Variants in SHANK2 observed in about 807,000 individuals in gnomAD.
SHANK2 encodes the protein SH3 and multiple ankyrin repeat domains protein 2.
A neutral mutation model predicts 133.7 loss-of-function variants in SHANK2; 43 were observed. That is an observed-to-expected ratio of 0.32 (90% CI 0.25 to 0.41). The LOEUF is 0.41. Among genes scored for constraint, SHANK2 ranks in the 10% least tolerant of loss-of-function variants. The pLI is 1.00. For synonymous variants in SHANK2, 1,017 were observed against 952.8 expected (o/e 1.07, Z -1.24); for missense variants, 1,994 against 2,235.8 (o/e 0.89, Z 2.18).
chr11:70,843,017 C>T lies in SHANK2; in HGVS notation c.1175-22335G>A, dbSNP rs547551786. Among the ~76,000 whole-genome samples the T allele has an allele frequency of 3.5e-3, 536 of 152,272 alleles. 1 individual carries two copies. The highest frequency in any genetic ancestry group is 3.6e-3 in the Non-Finnish European group (244 of 68,024). The stretch of plus-strand genomic sequence containing the variant: ...TGGCTCGCATCTGCACAGAGCTGCC[C>T]ACACCACACCCTGGGCCTCAGACTC... On this transcript the variant is annotated intron_variant, in intron 11 of 25. Transcript: ENST00000601538.
rs985762097 is a variant in SHANK2, at chr11:70,804,352, G to A, written c.1663+2650C>T. Among the ~76,000 whole-genome samples the A allele has an allele frequency of 1.3e-5, 2 of 152,228 alleles. No homozygotes were observed. Among genetic ancestry groups the A allele is most frequent in the African/African-American group, 2.4e-5 (1 of 41,468 alleles). On this transcript the variant is annotated intron_variant, in intron 13 of 25. Transcript: ENST00000601538. This position sits in a 1 kb window ranked among gnomAD's most constrained non-coding sequence, Gnocchi z 4.1. Reference sequence around the variant, plus strand: ...CGACAGCTCGGCAGGAAGGAAGAGCGGTGCCACTGGCAGCAGGAAGGGGCT... The same window carrying A: ...CGACAGCTCGGCAGGAAGGAAGAGCAGTGCCACTGGCAGCAGGAAGGGGCT...
At chr11:70,897,638 C>G (rs935829920) in intron 10 of SHANK2, among the ~76,000 whole-genome samples, 1 of 152,192 alleles carries the variant, frequency 6.6e-6, no homozygotes, top group African/African-American at 2.4e-5. Context: ...ATCTTCCCAA[C>G]ATGGGCTTAC....
At chr11:70,792,364 TAACC>T (rs1262625901) in intron 14 of SHANK2, among the ~76,000 whole-genome samples, 174 of 99,106 alleles carry the variant, frequency 1.8e-3, no homozygotes, top group African/African-American at 4.6e-3. Context: ...GCTAGCTAAT[TAACC>T]AACCAACCAA....
At chr11:71,224,503 G>T (rs1222151051) in intron 2 of SHANK2, among the ~76,000 whole-genome samples, 194 bp downstream of exon 2, 1 of 152,192 alleles carries the variant, frequency 6.6e-6, no homozygotes, top group East Asian at 1.9e-4. Flanking sequence ...ATCTCGCAAG[G>T]TCACACAAGC....
chr11:70,602,733 A>G (rs1220223255), intron 17 of SHANK2, among the ~76,000 whole-genome samples: 1 of 152,270 alleles, frequency 6.6e-6, no homozygotes, highest in Non-Finnish European at 1.5e-5. Context: ...GACTGGAATT[A>G]TATATAAAAT....
intron 4 of SHANK2, among the ~76,000 whole-genome samples, chr11:71,118,123 G>A (rs751103162): frequency 7.2e-5 from 11 of 152,056 alleles, no homozygotes; most frequent in Admixed American, 4.6e-4. Context: ...GGGGAGCCCC[G>A]TTCTCCATGC....
intron 8 of SHANK2, among the ~76,000 whole-genome samples, chr11:71,079,894 A>AGGAAGGGGAGGGGAGGGGAC: frequency 6.0e-5 from 1 of 16,586 alleles, no homozygotes; most frequent in African/African-American, 2.7e-4. Flanking sequence ...GGGGAGGGGA[A>AGGAAGGGGAGGGGAGGGGAC]GGAAGGGGAG....
In SHANK2 at chr11:70,489,935, C is replaced by T. The variant is rs1169840821; in HGVS notation, c.2551+341G>A. The T allele has an allele frequency of 1.1e-5, 4 of 361,770 alleles. No individual in the cohort carries two copies. The East Asian group carries it at 1.9e-4, about 17-fold the overall frequency. 22.4% of individuals were successfully genotyped at this position (361,770 alleles called of 1,614,324 possible). On this transcript the variant is annotated intron_variant, in intron 23 of 25. Coordinates refer to ENST00000601538, the MANE Select transcript of SHANK2 (RefSeq NM_012309.5). Reference sequence around the variant, plus strand: ...ACCCACTTACCCTTCCCACCCTGAGCAGGGCAGGGTGGGGGAGGGGGGTTG... The same window carrying T: ...ACCCACTTACCCTTCCCACCCTGAGTAGGGCAGGGTGGGGGAGGGGGGTTG...
At position 71,057,664 on chromosome 11, in the gene SHANK2, C is replaced by T. The variant is rs1019765096; in HGVS notation, c.1030-1106G>A. On this transcript the variant is annotated intron_variant, in intron 9 of 25. Transcript: ENST00000601538. ...TCTTGGGCTCAGGCAATTCTCCCCA[C>T]CTCAGCCTCCTGAGTAGCTGGGACA... Among the ~76,000 whole-genome samples, 126 of 152,156 alleles carry T rather than the reference C, an allele frequency of 8.3e-4. 1 individual carries two copies. Among genetic ancestry groups the T allele is most frequent in the African/African-American group, 2.8e-3 (118 of 41,498 alleles).
intron 14 of SHANK2, among the ~76,000 whole-genome samples, chr11:70,784,838 G>A (rs780941953): frequency 1.3e-5 from 2 of 152,138 alleles, no homozygotes; most frequent in Non-Finnish European, 2.9e-5. Flanking sequence ...CAGGGCCCAC[G>A]CTCCAACCGC....
chr11:70,702,320 C>CATCACA (rs797042198), intron 14 of SHANK2, among the ~76,000 whole-genome samples: 18 of 151,520 alleles, frequency 1.2e-4, no homozygotes, highest in African/African-American at 1.7e-4. Flanking sequence ...CAATCACCAT[C>CATCACA]ATCACCATCA....
At chr11:71,061,971 C>CTTTTTTTTTTTT (rs1216736346) in intron 9 of SHANK2, among the ~76,000 whole-genome samples, 5 of 109,572 alleles carry the variant, frequency 4.6e-5, no homozygotes, top group Non-Finnish European at 7.1e-5. Flanking sequence ...GTCTTTCTTT[C>CTTTTTTTTTTTT]TTTTTTTTTT....
At chr11:70,622,471 T>G (rs1307175054) in intron 17 of SHANK2, among the ~76,000 whole-genome samples, 1 of 152,132 alleles carries the variant, frequency 6.6e-6, no homozygotes, top group African/African-American at 2.4e-5. Context: ...CTGGGGGGCT[T>G]AAAACAACAG....
At chr11:70,531,499 G>A (rs1243848552) in intron 17 of SHANK2, among the ~76,000 whole-genome samples, 1 of 152,234 alleles carries the variant, frequency 6.6e-6, no homozygotes, top group Admixed American at 6.5e-5. Flanking sequence ...CCCAGGTCAC[G>A]GTTGAGGGTG....
At chr11:71,217,991 C>G (rs1199014753) in intron 2 of SHANK2, among the ~76,000 whole-genome samples, 1 of 152,004 alleles carries the variant, frequency 6.6e-6, no homozygotes. Flanking sequence ...GCTGGGACTA[C>G]AGGCACCCGC....
At chr11:70,877,473 C>T (rs1555071585) in intron 11 of SHANK2, among the ~76,000 whole-genome samples, 1 of 152,208 alleles carries the variant, frequency 6.6e-6, no homozygotes, top group African/African-American at 2.4e-5. Context: ...AATGAAGCCA[C>T]CGTGATTTCA....
intron 10 of SHANK2, among the ~76,000 whole-genome samples, chr11:70,905,968 T>C (rs1238717782): frequency 1.3e-5 from 2 of 152,062 alleles, no homozygotes; most frequent in African/African-American, 4.8e-5. Flanking sequence ...CATGCCACCA[T>C]GCCCGGCTAA....
intron 2 of SHANK2, among the ~76,000 whole-genome samples, chr11:71,194,291 G>A (rs1366111319): frequency 1.3e-5 from 2 of 152,178 alleles, no homozygotes; most frequent in African/African-American, 2.4e-5. Context: ...GTGGGTGCCC[G>A]ATGGAGTTGA....
intron 17 of SHANK2, among the ~76,000 whole-genome samples, chr11:70,645,669 C>T (rs1381706160): frequency 3.9e-5 from 6 of 152,194 alleles, no homozygotes; most frequent in Non-Finnish European, 7.3e-5. Context: ...CTGCCACAGG[C>T]CCTCAGGGCT....
Sources: gnomAD v4.1 joint callset for allele counts (sites outside exome capture counted in the v4.1 genomes callset) on GRCh38, gnomAD v4.1.1 for gene constraint, Gnocchi (gnomAD v3.1) non-coding constraint, MANE v1.5 for transcripts, NCBI Gene and HGNC (gene_info 2026-07-23, HGNC 2026-07-21) for gene names.